Variants in HACE1 observed in about 807,000 individuals in gnomAD.
HACE1 encodes HECT domain and ankyrin repeat containing E3 ubiquitin protein ligase 1.
Under a neutral mutation model 118.4 loss-of-function variants are expected in HACE1, and 73 were observed. The ratio of observed to expected loss-of-function variants is 0.62; its 90% CI spans 0.51 to 0.75. The LOEUF (loss-of-function observed/expected upper bound fraction) is 0.75, where lower values mean the gene tolerates loss of function less well. Ranked by LOEUF, HACE1 falls within the 30% of genes least tolerant of loss-of-function variation. HACE1 has a pLI of 0.00. For synonymous variants in HACE1, 368 were observed against 374.8 expected (o/e 0.98, Z 0.21); for missense variants, 749 against 1,102.2 (o/e 0.68, Z 4.54).
intron 6 of HACE1, among the ~76,000 whole-genome samples, chr6:104,825,412 T>C (rs942790833): frequency 2.6e-5 from 4 of 152,180 alleles, no homozygotes; most frequent in Non-Finnish European, 5.9e-5. Context: ...CAGCCTCGGA[T>C]TGGTTGCACA....
intron 10 of HACE1, among the ~76,000 whole-genome samples, chr6:104,793,622 T>C (rs578153391): frequency 6.6e-6 from 1 of 152,326 alleles, no homozygotes; most frequent in African/African-American, 2.4e-5. Flanking sequence ...GAATCAGTTA[T>C]TTTCTTAATG....
intron 19 of HACE1, among the ~76,000 whole-genome samples, chr6:104,770,579 C>T (rs1188953994): frequency 6.6e-6 from 1 of 151,968 alleles, no homozygotes; most frequent in African/African-American, 2.4e-5. Context: ...ATTATCTGGG[C>T]ATGGTGGCGC....
At chr6:104,820,391 AG>A (rs1409243072) in intron 6 of HACE1, among the ~76,000 whole-genome samples, 1 of 152,190 alleles carries the variant, frequency 6.6e-6, no homozygotes, top group African/African-American at 2.4e-5. Context: ...AACTATCATC[AG>A]AATGAACAGA....
chr6:104,852,197 GTC>G (rs200080629), intron 2 of HACE1, 118 bp downstream of exon 2: 23,209 of 593,688 alleles, frequency 0.039, 503 homozygotes, highest in African/African-American at 0.046. Context: ...TGTCCAAACT[GTC>G]TGTGTGTGTG....
At chr6:104,836,437 G>T (rs1674285132) in intron 5 of HACE1, among the ~76,000 whole-genome samples, 1 of 152,178 alleles carries the variant, frequency 6.6e-6, no homozygotes, top group African/African-American at 2.4e-5. Flanking sequence ...TAAAGGCCTG[G>T]CGCGGTGGCT....
chr6:104,831,754 G>A (rs574050234), intron 6 of HACE1, among the ~76,000 whole-genome samples: 8 of 151,732 alleles, frequency 5.3e-5, no homozygotes, highest in African/African-American at 7.3e-5. Context: ...TTAGCCGGGC[G>A]TGGTGGCCGG....
At chr6:104,792,729 T>C (rs1384639642) in intron 10 of HACE1, among the ~76,000 whole-genome samples, 1 of 152,190 alleles carries the variant, frequency 6.6e-6, no homozygotes, top group Admixed American at 6.5e-5. Flanking sequence ...AAACTGCATC[T>C]GCCACCCAGA....
At chr6:104,749,433 C>T (rs546377169) in intron 20 of HACE1, among the ~76,000 whole-genome samples, 4 of 151,958 alleles carry the variant, frequency 2.6e-5, no homozygotes, top group Admixed American at 6.6e-5. Context: ...CACTATTATA[C>T]TAAGATATAC....
chr6:104,821,185 A>C (rs1252534517), intron 6 of HACE1, among the ~76,000 whole-genome samples: 1 of 152,126 alleles, frequency 6.6e-6, no homozygotes, highest in Non-Finnish European at 1.5e-5. Flanking sequence ...GAGGCCTTTC[A>C]AAGGGGTGGA....
chr6:104,788,583 T>C (rs574521754), intron 11 of HACE1, among the ~76,000 whole-genome samples: 2 of 152,154 alleles, frequency 1.3e-5, no homozygotes, highest in Non-Finnish European at 2.9e-5. Context: ...AGATAAGATC[T>C]TGAAGTTAAA....
chr6:104,803,674 C>A (rs1028655614), intron 7 of HACE1, among the ~76,000 whole-genome samples: 1 of 152,094 alleles, frequency 6.6e-6, no homozygotes, highest in African/African-American at 2.4e-5. Flanking sequence ...GCCCTTCATG[C>A]TAGAAACTCT....
At chr6:104,767,150 T>A (rs559954375) in intron 19 of HACE1, among the ~76,000 whole-genome samples, 72 of 152,244 alleles carry the variant, frequency 4.7e-4, no homozygotes, top group Admixed American at 8.5e-4. Flanking sequence ...AAGAACATGG[T>A]TCAGATACAT....
intron 6 of HACE1, among the ~76,000 whole-genome samples, chr6:104,818,104 C>G (rs969726792): frequency 2.0e-5 from 3 of 152,096 alleles, no homozygotes; most frequent in African/African-American, 7.2e-5. Flanking sequence ...TTTAAATTTA[C>G]TTCTACCCCA....
In HACE1 at chr6:104,851,649, G is replaced by T. The variant is rs376578967; in HGVS notation, c.132-653C>A. Among the ~76,000 whole-genome samples, 135 of 152,046 alleles carry T rather than the reference G, an allele frequency of 8.9e-4. 1 individual carries two copies. The South Asian group carries it at 0.011, about 13-fold the overall frequency. ...GGCTGCTCCCCTTGCCAAAAGTTGA[G>T]CCTAGCTATATTAATTTTGGCCAAA... is the stretch of plus-strand genomic sequence containing the variant. On this transcript the variant is annotated intron_variant, in intron 2 of 23. Coordinates refer to ENST00000262903, the MANE Select transcript of HACE1 (RefSeq NM_020771.4).
At chr6:104,758,525 G>C (rs1778971053) in intron 19 of HACE1, among the ~76,000 whole-genome samples, 1 of 150,148 alleles carries the variant, frequency 6.7e-6, no homozygotes, top group South Asian at 2.1e-4. Flanking sequence ...CACCAGGCCT[G>C]ACTTGCAAGA....
chr6:104,821,002 G>A (rs1582638774), intron 6 of HACE1, among the ~76,000 whole-genome samples: 1 of 152,148 alleles, frequency 6.6e-6, no homozygotes, highest in Non-Finnish European at 1.5e-5. Flanking sequence ...GGAATACTAT[G>A]CAGCCATAAA....
Position 104,859,652 on chromosome 6 carries a change from G to A in HACE1, c.-10C>T. The stretch of plus-strand genomic sequence containing the variant: ...CCATCGCTCTCTCCATCCTCGGCGC[G>A]CCCTCCGCGATCCTCCGCGATCAGC... On this transcript the variant is annotated 5_prime_UTR_variant, in exon 1 of 24. Coordinates refer to ENST00000262903, the MANE Select transcript of HACE1 (RefSeq NM_020771.4). The A allele has an allele frequency of 2.0e-6, 3 of 1,530,518 alleles. No homozygotes were observed. The highest frequency in any genetic ancestry group is 5.0e-5 in the East Asian group (2 of 39,676). The allele number at this position is 1,530,518 out of a possible 1,614,324, so 94.8% of individuals were successfully genotyped here.
intron 1 of HACE1, among the ~76,000 whole-genome samples, chr6:104,853,900 A>C (rs974301288): frequency 6.6e-6 from 1 of 152,166 alleles, no homozygotes; most frequent in Admixed American, 6.6e-5. Flanking sequence ...TCCCTACATG[A>C]TAAAGTTTAA....
intron 1 of HACE1, among the ~76,000 whole-genome samples, chr6:104,857,160 CATAT>C (rs1001101718): frequency 6.8e-6 from 1 of 147,252 alleles, no homozygotes; most frequent in African/African-American, 2.5e-5. Context: ...TATATATTTA[CATAT>C]ATATATTTAT....
Sources: gnomAD v4.1 joint callset for allele counts (sites outside exome capture counted in the v4.1 genomes callset) on GRCh38, gnomAD v4.1.1 for gene constraint, MANE v1.5 for transcripts, NCBI Gene and HGNC (gene_info 2026-07-23, HGNC 2026-07-21) for gene names.